The following ASTN2 variants were observed in gnomAD, a reference collection of about 807,000 sequenced individuals.
ASTN2 encodes the protein astrotactin 2.
ASTN2 carries 54 observed loss-of-function variants against 139.8 expected under a neutral mutation model. That is an observed-to-expected ratio of 0.39 (90% CI 0.31 to 0.48). ASTN2 has a LOEUF of 0.48. ASTN2 is among the 20% of genes least tolerant of loss of function. The pLI, the probability that ASTN2 is intolerant of heterozygous loss-of-function variation, is 0.95. For missense variants in ASTN2, 1,565 were observed against 1,725.1 expected, an observed-to-expected ratio of 0.91 and a Z score of 1.64; for synonymous variants, 756 against 719.5, an observed-to-expected ratio of 1.05 and a Z score of -0.81.
chr9:116,498,347 A>G (rs7850364), intron 19 of ASTN2, among the ~76,000 whole-genome samples: 130,016 of 152,146 alleles, frequency 0.85, 55,647 homozygotes, highest in Middle Eastern at 0.89. Context: ...TTCTTGGGGA[A>G]GCTAAGGCAG....
In ASTN2 at chr9:117,056,435, C is replaced by T. The variant is rs142642773; in HGVS notation, c.1277-16470G>A. Among the ~76,000 whole-genome samples the T allele has an allele frequency of 7.8e-3, 1,194 of 152,272 alleles. 13 individuals carry two copies. The highest frequency in any genetic ancestry group is 0.027 in the African/African-American group (1,107 of 41,550). The stretch of plus-strand genomic sequence containing the variant: ...GGTATGTGCCAGACCCTGGGCAACT[C>T]ATAGAACTTGCAAAAGAGCCAGGCA... On this transcript the variant is annotated intron_variant, in intron 5 of 22. Transcript: ENST00000313400.
chr9:116,809,992 T>G lies in ASTN2; in HGVS notation c.2208-4172A>C, dbSNP rs143759823. Among the ~76,000 whole-genome samples, 1,123 of 151,542 alleles carry G rather than the reference T, an allele frequency of 7.4e-3. 4 individuals carry two copies. The highest frequency in any genetic ancestry group is 0.011 in the Non-Finnish European group (781 of 68,028). On this transcript the variant is annotated intron_variant, in intron 12 of 22. Coordinates refer to ENST00000313400, the MANE Select transcript of ASTN2 (RefSeq NM_001365068.1). ...TTTCAAGCTGCCTCTTCCCTTGTTA[T>G]GGCAAGCTTGGAGACCATGCGTTCC...
At chr9:117,016,623 T>TATATATATATGTAAC (rs1491376132) in intron 6 of ASTN2, among the ~76,000 whole-genome samples, 6 of 4,876 alleles carry the variant, frequency 1.2e-3, no homozygotes, top group African/African-American at 2.3e-3. Flanking sequence ...TATCTATCTA[T>TATATATATATGTAAC]CTATATATAT....
chr9:116,914,479 C>T (rs1278969258), intron 10 of ASTN2, among the ~76,000 whole-genome samples: 2 of 151,852 alleles, frequency 1.3e-5, no homozygotes, highest in African/African-American at 4.8e-5. Context: ...ATAATAATAA[C>T]AGCATTTGTA....
intron 10 of ASTN2, among the ~76,000 whole-genome samples, chr9:116,942,965 A>T (rs999574652): frequency 2.0e-5 from 3 of 152,192 alleles, no homozygotes; most frequent in African/African-American, 7.2e-5. Flanking sequence ...CCTCTTCTGG[A>T]TGGTTGTACA....
intron 19 of ASTN2, among the ~76,000 whole-genome samples, chr9:116,536,909 A>G (rs577513640): frequency 6.6e-6 from 1 of 152,364 alleles, no homozygotes; most frequent in South Asian, 2.1e-4. Flanking sequence ...TTAAGTCTAC[A>G]GAGGTTTCTG....
chr9:116,569,997 A>G (rs1853429331), intron 19 of ASTN2, among the ~76,000 whole-genome samples: 1 of 152,192 alleles, frequency 6.6e-6, no homozygotes, highest in Non-Finnish European at 1.5e-5. Context: ...CAAGATGTGA[A>G]AAGTCATTGG....
chr9:117,302,112 T>G (rs2130801219), intron 1 of ASTN2, among the ~76,000 whole-genome samples: 1 of 151,844 alleles, frequency 6.6e-6, no homozygotes, highest in South Asian at 2.1e-4. Context: ...GGGGTGACAG[T>G]ACCAAATATA....
chr9:117,095,958 T>C, intron 5 of ASTN2, 86 bp downstream of exon 5: 1 of 1,274,864 alleles, frequency 7.8e-7, no homozygotes, highest in South Asian at 1.3e-5. Context: ...AGAGAAGATT[T>C]AGGATTTGCT....
At chr9:116,764,279 C>T (rs372462545) in intron 13 of ASTN2, among the ~76,000 whole-genome samples, 7 of 152,174 alleles carry the variant, frequency 4.6e-5, no homozygotes, top group African/African-American at 1.4e-4. Flanking sequence ...TGCCCCTGCT[C>T]GGTATGACCC....
At chr9:117,350,153 C>T (rs982355628) in intron 1 of ASTN2, among the ~76,000 whole-genome samples, 2 of 152,082 alleles carry the variant, frequency 1.3e-5, no homozygotes, top group Admixed American at 1.3e-4. Flanking sequence ...TTCTATAAAT[C>T]TAAAACATTT....
At chr9:117,338,204 A>G (rs1478678459) in intron 1 of ASTN2, among the ~76,000 whole-genome samples, 1 of 152,082 alleles carries the variant, frequency 6.6e-6, no homozygotes, top group Non-Finnish European at 1.5e-5. Flanking sequence ...ACTATTTGTT[A>G]ATTATTATTT....
At position 116,496,285 on chromosome 9, in the gene ASTN2, T is replaced by C. The variant is rs199707426; in HGVS notation, c.3356-8785A>G. On this transcript the variant is annotated intron_variant, in intron 19 of 22. Transcript: ENST00000313400. ...AGTAGGTTTTCCATAAATATTTATA[T>C]AGTGAGTGAATGTATCTGTTGTGTG... is the stretch of plus-strand genomic sequence containing the variant. 5.3e-5 allele frequency among the ~76,000 whole-genome samples: 8 copies of C among 152,318 alleles called. No homozygotes were observed. The East Asian group carries it at 1.2e-3, about 22-fold the overall frequency.
intron 5 of ASTN2, among the ~76,000 whole-genome samples, chr9:117,043,182 T>G (rs1440892938): frequency 1.3e-5 from 2 of 152,088 alleles, no homozygotes; most frequent in Non-Finnish European, 2.9e-5. Flanking sequence ...GCATTGAGTT[T>G]TTTATCTAGA....
rs562691759 is a variant in ASTN2 at position 117,283,926 on chromosome 9, T to C, written c.630+7400A>G. ...CTCAAAGTTTCACCATTAATTTTAG[T>C]ATACATTGGTGGATCTTGTCAGTAG... is the stretch of plus-strand genomic sequence containing the variant. On this transcript the variant is annotated intron_variant, in intron 2 of 22. Coordinates refer to ENST00000313400, the MANE Select transcript of ASTN2 (RefSeq NM_001365068.1). Among the ~76,000 whole-genome samples the C allele has an allele frequency of 2.7e-4, 41 of 152,290 alleles. 1 individual carries two copies. The South Asian group carries it at 6.2e-3, about 23-fold the overall frequency.
At chr9:117,351,730 T>C (rs1829395598) in intron 1 of ASTN2, among the ~76,000 whole-genome samples, 1 of 147,328 alleles carries the variant, frequency 6.8e-6, no homozygotes, top group East Asian at 2.2e-4. Flanking sequence ...AGGAAAAAGT[T>C]CACAGGGAAA....
chr9:116,539,994 G>C (rs1423271764), intron 19 of ASTN2, among the ~76,000 whole-genome samples: 1 of 152,128 alleles, frequency 6.6e-6, no homozygotes, highest in African/African-American at 2.4e-5. Context: ...CATTTTCTTT[G>C]CTTTATAAAT....
At chr9:117,378,258 T>C (rs1012266380) in intron 1 of ASTN2, among the ~76,000 whole-genome samples, 8 of 152,160 alleles carry the variant, frequency 5.3e-5, no homozygotes, top group Admixed American at 3.9e-4. Context: ...AGGGAGTAGA[T>C]CCAGGGCTCC....
chr9:116,801,553 T>TCCAGCC (rs1830849485), intron 13 of ASTN2, among the ~76,000 whole-genome samples: 1 of 113,976 alleles, frequency 8.8e-6, no homozygotes, highest in African/African-American at 3.5e-5. Flanking sequence ...CACTCCACAT[T>TCCAGCC]CCAGCCCAGG....
Sources: gnomAD v4.1 joint callset for allele counts (sites outside exome capture counted in the v4.1 genomes callset) on GRCh38, gnomAD v4.1.1 for gene constraint, MANE v1.5 for transcripts, NCBI Gene and HGNC (gene_info 2026-07-23, HGNC 2026-07-21) for gene names.